PCSK2: variants seen among roughly 807,000 people sequenced by gnomAD.
The protein encoded by PCSK2 is neuroendocrine convertase 2.
A neutral mutation model predicts 69.7 loss-of-function variants in PCSK2; 14 were observed. The observed-to-expected ratio is 0.20, with a 90% CI of 0.13 to 0.31. The LOEUF (loss-of-function observed/expected upper bound fraction) is 0.31. Ranked by LOEUF, PCSK2 falls within the 10% of genes least tolerant of loss-of-function variation. The pLI, the probability that PCSK2 is intolerant of heterozygous loss-of-function variation, is 1.00. For synonymous variants in PCSK2, 307 were observed against 320.7 expected (o/e 0.96, Z 0.46); for missense variants, 544 against 842.5 (o/e 0.65, Z 4.39).
At chr20:17,229,986 G>C (rs1254097991) in intron 1 of PCSK2, among the ~76,000 whole-genome samples, 1 of 152,182 alleles carries the variant, frequency 6.6e-6, no homozygotes, top group Non-Finnish European at 1.5e-5. Context: ...AATATTCAGG[G>C]ATGATACCTC....
chr20:17,463,851 A>T (rs572701268), intron 10 of PCSK2: 27 of 152,296 alleles, frequency 1.8e-4, no homozygotes, highest in African/African-American at 6.5e-4. Context: ...CAAATGAGTT[A>T]TGTTGCTCCT....
intron 1 of PCSK2, among the ~76,000 whole-genome samples, chr20:17,245,332 C>T (rs1188100936): frequency 2.0e-5 from 3 of 152,214 alleles, no homozygotes; most frequent in African/African-American, 7.2e-5. Context: ...TAATAGGGTA[C>T]CAATAAGGTT....
chr20:17,323,361 AAAC>A (rs1162403248), intron 2 of PCSK2, among the ~76,000 whole-genome samples: 2 of 152,230 alleles, frequency 1.3e-5, no homozygotes, highest in Non-Finnish European at 2.9e-5. Context: ...GCCTCAGAGG[AAAC>A]AAAACATGCC....
intron 5 of PCSK2, among the ~76,000 whole-genome samples, chr20:17,397,248 T>C (rs2031531106): frequency 1.3e-5 from 2 of 152,142 alleles, no homozygotes; most frequent in South Asian, 2.1e-4. Flanking sequence ...AAAAAGAAAT[T>C]AGCTCCTATT....
chr20:17,463,446 A>G (rs999777114), intron 10 of PCSK2: 4 of 152,126 alleles, frequency 2.6e-5, no homozygotes, highest in Admixed American at 2.6e-4. Context: ...TGTCCAAGAC[A>G]TGTTCTGAAT....
At chr20:17,481,529 C>T in intron 11 of PCSK2, 55 bp from the exon 12 acceptor site, 1 of 1,561,032 alleles carries the variant, frequency 6.4e-7, no homozygotes, top group East Asian at 2.3e-5. Flanking sequence ...CTCAAAATCC[C>T]TTGTAAGGTG....
At chr20:17,333,170 T>C (rs577174413) in intron 2 of PCSK2, among the ~76,000 whole-genome samples, 2 of 152,284 alleles carry the variant, frequency 1.3e-5, no homozygotes, top group South Asian at 4.1e-4. Context: ...TGTTTGCAAC[T>C]TTCAAACAGT....
At chr20:17,308,431 A>G (rs1033177122) in intron 2 of PCSK2, among the ~76,000 whole-genome samples, 5 of 152,214 alleles carry the variant, frequency 3.3e-5, no homozygotes, top group South Asian at 2.1e-4. Flanking sequence ...AATCCCCCCA[A>G]AAAAGAACTA....
intron 7 of PCSK2, among the ~76,000 whole-genome samples, chr20:17,435,756 A>G (rs2032472360): frequency 6.6e-6 from 1 of 152,160 alleles, no homozygotes; most frequent in South Asian, 2.1e-4. Flanking sequence ...GAACCCACTG[A>G]CCCATCCAGA....
chr20:17,239,910 A>T (rs1309644339), intron 1 of PCSK2, among the ~76,000 whole-genome samples: 6 of 128,388 alleles, frequency 4.7e-5, no homozygotes, highest in Admixed American at 4.7e-4. Flanking sequence ...CTGGAGTGCA[A>T]TGGCGCGATC....
chr20:17,326,510 A>T lies in PCSK2; in HGVS notation c.283-31817A>T, dbSNP rs1345409695. Among the ~76,000 whole-genome samples the T allele has an allele frequency of 2.0e-5, 3 of 152,234 alleles. No individual in the cohort carries two copies. In the East Asian group the frequency reaches 5.8e-4, roughly 29 times the overall value. ...AATAATATATCAACATCGTGTCATT[A>T]GTTGTGAGAAATGTACCATACTAAT... On this transcript the variant is annotated intron_variant, in intron 2 of 11. Coordinates refer to ENST00000262545, the MANE Select transcript of PCSK2 (RefSeq NM_002594.5).
At chr20:17,291,371 T>TTGTTG (rs1259900942) in intron 2 of PCSK2, among the ~76,000 whole-genome samples, 8 of 152,158 alleles carry the variant, frequency 5.3e-5, no homozygotes, top group Admixed American at 1.3e-4. Context: ...TTCCTTGTTT[T>TTGTTG]TGTTGTGTTT....
chr20:17,431,571 C>T (rs986581831), intron 7 of PCSK2, among the ~76,000 whole-genome samples: 3 of 152,174 alleles, frequency 2.0e-5, no homozygotes, highest in African/African-American at 7.2e-5. Context: ...AGATTTTGAG[C>T]AAGGGAGGCT....
At chr20:17,433,341 C>G (rs1163364340) in intron 7 of PCSK2, among the ~76,000 whole-genome samples, 1 of 152,168 alleles carries the variant, frequency 6.6e-6, no homozygotes, top group Non-Finnish European at 1.5e-5. Flanking sequence ...ACTGTAAGTA[C>G]AATGACTAAC....
At chr20:17,251,845 G>A (rs1317263789) in intron 1 of PCSK2, among the ~76,000 whole-genome samples, 2 of 152,132 alleles carry the variant, frequency 1.3e-5, no homozygotes, top group Admixed American at 6.6e-5. Flanking sequence ...AACAGCTAGA[G>A]GATGACTGGT....
chr20:17,428,997 C>CAAAAAA lies in PCSK2; in HGVS notation c.621-411_621-406dup, dbSNP rs60206058. ...CTGGGTGACCGAGGAGACTCTGTCT[C>CAAAAAA]AAAAAAAAAAAAAAAAAAAAAAAAA... is the stretch of plus-strand genomic sequence containing the variant. On this transcript the variant is annotated intron_variant, in intron 6 of 11. Coordinates refer to ENST00000262545, the MANE Select transcript of PCSK2 (RefSeq NM_002594.5). 6.0e-3 allele frequency among the ~76,000 whole-genome samples: 223 copies of CAAAAAA among 36,956 alleles called. 22 individuals carry two copies. Among genetic ancestry groups the CAAAAAA allele is most frequent in the African/African-American group, 0.015 (83 of 5,480 alleles). The allele number at this position is 36,956 out of a possible 152,430, so 24.2% of individuals were successfully genotyped here.
chr20:17,392,303 G>A (rs1343664334), intron 5 of PCSK2, among the ~76,000 whole-genome samples: 1 of 152,070 alleles, frequency 6.6e-6, no homozygotes, highest in Non-Finnish European at 1.5e-5. Flanking sequence ...CAATTTTGGG[G>A]GGAAACAGTT....
chr20:17,411,178 T>C (rs1282148407), intron 6 of PCSK2, among the ~76,000 whole-genome samples: 1 of 152,198 alleles, frequency 6.6e-6, no homozygotes. Context: ...ACGCAGAAGA[T>C]GGGCAATTTC....
chr20:17,334,369 G>T (rs543873995), intron 2 of PCSK2, among the ~76,000 whole-genome samples: 1 of 152,090 alleles, frequency 6.6e-6, no homozygotes. Context: ...AATGAGCATG[G>T]TACAATGAGA....
Sources: gnomAD v4.1 joint callset for allele counts (sites outside exome capture counted in the v4.1 genomes callset) on GRCh38, gnomAD v4.1.1 for gene constraint, MANE v1.5 for transcripts, NCBI Gene and HGNC (gene_info 2026-07-23, HGNC 2026-07-21) for gene names.